PTPRR: variants seen among roughly 807,000 people sequenced by gnomAD.
PTPRR encodes the protein protein tyrosine phosphatase receptor type R.
Under a neutral mutation model 77.2 loss-of-function variants are expected in PTPRR, and 38 were observed. The ratio of observed to expected loss-of-function variants is 0.49; its 90% CI spans 0.38 to 0.65. The LOEUF (loss-of-function observed/expected upper bound fraction) is 0.65, where lower values mean the gene tolerates loss of function less well. Ranked by LOEUF, PTPRR falls within the 30% of genes least tolerant of loss-of-function variation. The probability of loss-of-function intolerance (pLI) is 0.00; values close to 1 mark genes in which losing one functional copy is unlikely to be tolerated. For missense variants in PTPRR, 744 were observed against 799.2 expected, an observed-to-expected ratio of 0.93 and a Z score of 0.83; for synonymous variants, 299 against 283.1, an observed-to-expected ratio of 1.06 and a Z score of -0.57.
rs1481858506 is a variant in PTPRR, at chr12:70,745,907, T to C, written c.918A>G (p.Gln306=). 5.0e-6 allele frequency: 8 copies of C among 1,613,974 alleles called. No homozygotes were observed. In the South Asian group the frequency reaches 6.6e-5, roughly 13 times the overall value. ...PKVLNVVVDP[Q]GRGAPEIKAT... is the part of the protein sequence containing the mutation. ...CTTTGATCTCAGGAGCACCTCGGCC[T>C]TGAGGGTCCACGACAACATTCAGTA... is the stretch of plus-strand genomic sequence containing the variant. Residue 306 remains glutamine, a synonymous_variant, in exon 6 of 14, where the codon CAA becomes CAG. Coordinates refer to ENST00000283228, the MANE Select transcript of PTPRR (RefSeq NM_002849.4).
chr12:70,784,414 G>C (rs1891276394), intron 2 of PTPRR, among the ~76,000 whole-genome samples: 1 of 152,214 alleles, frequency 6.6e-6, no homozygotes, highest in Non-Finnish European at 1.5e-5. Flanking sequence ...TAGCGGGGTT[G>C]GGTCGATGCT....
At chr12:70,912,771 T>C (rs887015173) in intron 1 of PTPRR, among the ~76,000 whole-genome samples, 2 of 152,200 alleles carry the variant, frequency 1.3e-5, no homozygotes, top group African/African-American at 4.8e-5. Flanking sequence ...ATCATTACTA[T>C]AGTAGGCACT....
At chr12:70,795,913 ATTTTTTTTT>A (rs71437157) in intron 2 of PTPRR, among the ~76,000 whole-genome samples, 1,265 of 88,388 alleles carry the variant, frequency 0.014, 111 homozygotes, top group African/African-American at 0.048. Flanking sequence ...TATTTAGTAG[ATTTTTTTTT>A]TTTTTTTTTT....
chr12:70,740,335 A>T lies in PTPRR; in HGVS notation c.1007+5483T>A, dbSNP rs149536128. On this transcript the variant is annotated intron_variant, in intron 6 of 13. Transcript: ENST00000283228. ...TCAATATGATTTGGCGATTAGTTTG[A>T]AAAAGGGAGAAAAGAAGACTGAATT... 2.5e-4 allele frequency among the ~76,000 whole-genome samples: 38 copies of T among 151,044 alleles called. 1 individual carries two copies. In the East Asian group the frequency reaches 7.3e-3, roughly 29 times the overall value.
intron 7 of PTPRR, 55 bp from the exon 8 acceptor site, chr12:70,698,404 C>T: frequency 1.4e-6 from 2 of 1,468,846 alleles, no homozygotes; most frequent in Non-Finnish European, 1.9e-6. Context: ...CAAAGAAAAT[C>T]TTCACAGGGG....
intron 2 of PTPRR, among the ~76,000 whole-genome samples, chr12:70,819,808 G>A (rs1416912808): frequency 6.6e-6 from 1 of 152,142 alleles, no homozygotes; most frequent in Non-Finnish European, 1.5e-5. Context: ...TTGTACAATG[G>A]CATTAAATTG....
At chr12:70,686,232 G>A (rs1037186821) in intron 8 of PTPRR, among the ~76,000 whole-genome samples, 1 of 152,052 alleles carries the variant, frequency 6.6e-6, no homozygotes, top group Non-Finnish European at 1.5e-5. Context: ...CGTTCCCCAC[G>A]AAAACTGAGA....
At position 70,764,555 on chromosome 12, in the gene PTPRR, C is replaced by T. The variant is rs145000612; in HGVS notation, c.471+110G>A. 1.6e-3 allele frequency: 1,339 copies of T among 816,460 alleles called. 5 individuals are homozygous for T. The highest frequency in any genetic ancestry group is 0.013 in the African/African-American group (765 of 58,182). The allele number at this position is 816,460 out of a possible 1,614,324, so 50.6% of individuals were successfully genotyped here. On this transcript the variant is annotated intron_variant, in intron 3 of 13. Transcript: ENST00000283228. ...TAAAATTTTATTTGCAAAAACATGA[C>T]GTGCCGGATTTGGCTCATTAGCCAT...
chr12:70,754,132 C>T, intron 5 of PTPRR, 59 bp downstream of exon 5: 1 of 1,485,210 alleles, frequency 6.7e-7, no homozygotes, highest in South Asian at 1.2e-5. Context: ...GGCAATGTAC[C>T]CACTAATATC....
chr12:70,662,748 A>C, intron 10 of PTPRR, 143 bp from the exon 11 acceptor site: 1 of 531,958 alleles, frequency 1.9e-6, no homozygotes. Context: ...AAATATACTA[A>C]AACCATTGAA....
intron 2 of PTPRR, among the ~76,000 whole-genome samples, chr12:70,870,127 A>G (rs894377298): frequency 4.6e-5 from 7 of 152,158 alleles, no homozygotes; most frequent in Non-Finnish European, 8.8e-5. Flanking sequence ...TTCTCTACAT[A>G]AACAATTATT....
chr12:70,736,233 G>A (rs1454037889), intron 6 of PTPRR, among the ~76,000 whole-genome samples: 8 of 152,122 alleles, frequency 5.3e-5, no homozygotes, highest in Non-Finnish European at 2.9e-5. Flanking sequence ...ATGGTTATCT[G>A]TCATGAGTGT....
At chr12:70,909,446 G>A (rs1341951944) in intron 1 of PTPRR, among the ~76,000 whole-genome samples, 1 of 151,976 alleles carries the variant, frequency 6.6e-6, no homozygotes, top group Non-Finnish European at 1.5e-5. Flanking sequence ...CTATAGTCAG[G>A]GACACATTTC....
chr12:70,733,483 A>AG (rs1491449544), intron 6 of PTPRR, among the ~76,000 whole-genome samples: 1 of 62,592 alleles, frequency 1.6e-5, no homozygotes, highest in African/African-American at 8.4e-5. Context: ...AAAAAAAAAG[A>AG]AAAAAAAAGA....
intron 6 of PTPRR, among the ~76,000 whole-genome samples, chr12:70,723,278 C>T (rs1017691650): frequency 3.9e-5 from 6 of 151,914 alleles, no homozygotes; most frequent in Non-Finnish European, 5.9e-5. Context: ...AATCAAGGCA[C>T]ATCACCAAAA....
chr12:70,707,737 G>A (rs2136803205), intron 6 of PTPRR, among the ~76,000 whole-genome samples: 1 of 152,194 alleles, frequency 6.6e-6, no homozygotes, highest in South Asian at 2.1e-4. Context: ...GACTCTTGGA[G>A]CTCGCTGATA....
chr12:70,738,248 A>G (rs1229613537), intron 6 of PTPRR, among the ~76,000 whole-genome samples: 3 of 152,208 alleles, frequency 2.0e-5, no homozygotes, highest in Non-Finnish European at 4.4e-5. Context: ...AAATCATAAC[A>G]TGTATACCCT....
At chr12:70,853,028 G>A (rs1892596435) in intron 2 of PTPRR, among the ~76,000 whole-genome samples, 1 of 152,128 alleles carries the variant, frequency 6.6e-6, no homozygotes, top group African/African-American at 2.4e-5. Context: ...CACGGGCCAG[G>A]GGCCGCCACA....
At chr12:70,802,925 T>C (rs1485916088) in intron 2 of PTPRR, among the ~76,000 whole-genome samples, 1 of 152,216 alleles carries the variant, frequency 6.6e-6, no homozygotes, top group Non-Finnish European at 1.5e-5. Flanking sequence ...ACTTTTGGTC[T>C]ACATATGTCA....
Sources: allele counts gnomAD v4.1 joint callset (sites outside exome capture counted in the v4.1 genomes callset), GRCh38; gene constraint gnomAD v4.1.1; transcripts MANE v1.5; gene names NCBI Gene and HGNC (gene_info 2026-07-23, HGNC 2026-07-21).